Variants in ABTB3 observed in about 807,000 individuals in gnomAD.
The protein encoded by ABTB3 is ankyrin repeat and BTB domain containing 3.
the ABTB3 span, among the ~76,000 whole-genome samples, chr12:107,560,053 T>C: frequency 3.9e-5 from 6 of 152,170 alleles, no homozygotes; most frequent in African/African-American, 1.4e-4. Flanking sequence ...ATATATAATT[T>C]TGTGTCTTAT....
chr12:107,448,530 A>G, the ABTB3 span, among the ~76,000 whole-genome samples: 1 of 152,274 alleles, frequency 6.6e-6, no homozygotes, highest in Non-Finnish European at 1.5e-5. Context: ...AACTTAAAGT[A>G]AAACTCTAAA....
chr12:107,440,825 AAAGAT>A, the ABTB3 span, among the ~76,000 whole-genome samples: 2 of 152,232 alleles, frequency 1.3e-5, no homozygotes, highest in Non-Finnish European at 2.9e-5. Context: ...ATGTGACAAT[AAAGAT>A]AACAGCTGCA....
chr12:107,626,357 T>TC, the ABTB3 span, among the ~76,000 whole-genome samples: 1 of 148,322 alleles, frequency 6.7e-6, no homozygotes, highest in Non-Finnish European at 1.5e-5. Flanking sequence ...TTTTTTTTTT[T>TC]TTTTTTGAGA....
chr12:107,455,420 A>T, the ABTB3 span, among the ~76,000 whole-genome samples: 1 of 149,122 alleles, frequency 6.7e-6, no homozygotes, highest in Non-Finnish European at 1.5e-5. Flanking sequence ...ATCTTACAAG[A>T]TCTGGTTGTG....
the ABTB3 span, among the ~76,000 whole-genome samples, chr12:107,593,901 T>G: frequency 1.3e-5 from 2 of 152,118 alleles, no homozygotes; most frequent in East Asian, 3.9e-4. Flanking sequence ...ACACGTCACT[T>G]CCCCTCACTT....
the ABTB3 span, among the ~76,000 whole-genome samples, chr12:107,564,047 G>T: frequency 6.6e-6 from 1 of 151,494 alleles, no homozygotes; most frequent in African/African-American, 2.4e-5. Flanking sequence ...TAATGCAATG[G>T]TCTGATCTTA....
chr12:107,485,200 T>G, the ABTB3 span, among the ~76,000 whole-genome samples: 1 of 152,180 alleles, frequency 6.6e-6, no homozygotes, highest in African/African-American at 2.4e-5. Flanking sequence ...TCAACCCCTA[T>G]GATTCCAAAT....
chr12:107,500,580 A>AC, the ABTB3 span, among the ~76,000 whole-genome samples: 2 of 151,432 alleles, frequency 1.3e-5, no homozygotes, highest in Non-Finnish European at 2.9e-5. Flanking sequence ...TGAGCCGGTT[A>AC]CCCCCCACTC....
the ABTB3 span, among the ~76,000 whole-genome samples, chr12:107,563,322 T>C: frequency 6.6e-5 from 10 of 152,206 alleles, no homozygotes; most frequent in African/African-American, 2.4e-4. Context: ...AATCATTCAT[T>C]CACTCAAAGA....
At chr12:107,480,230 G>T in the ABTB3 span, among the ~76,000 whole-genome samples, 2 of 152,102 alleles carry the variant, frequency 1.3e-5, no homozygotes, top group African/African-American at 2.4e-5. Context: ...GTATAGGTAG[G>T]TATGTGGAAG....
the ABTB3 span, among the ~76,000 whole-genome samples, chr12:107,388,859 G>A: frequency 6.6e-6 from 1 of 152,234 alleles, no homozygotes; most frequent in Non-Finnish European, 1.5e-5. Context: ...TAATGATGAT[G>A]ATGGTTATCA....
At chr12:107,520,625 T>A in the ABTB3 span, 1 of 1,614,030 alleles carries the variant, frequency 6.2e-7, no homozygotes, top group Admixed American at 1.7e-5. Context: ...GTAGGCAGCA[T>A]CGCCGAATTG....
chr12:107,520,575 G>A, the ABTB3 span: 35 of 1,614,224 alleles, frequency 2.2e-5, 1 homozygote, highest in South Asian at 2.4e-4. Context: ...TCAGCCAGTC[G>A]GAGCTGAGGA....
At chr12:107,497,359 G>T in the ABTB3 span, among the ~76,000 whole-genome samples, 1 of 147,850 alleles carries the variant, frequency 6.8e-6, no homozygotes, top group African/African-American at 2.5e-5. Flanking sequence ...CAACACCACT[G>T]TTATCATCAC....
chr12:107,346,272 A>C, the ABTB3 span, among the ~76,000 whole-genome samples: 1 of 152,058 alleles, frequency 6.6e-6, no homozygotes, highest in Non-Finnish European at 1.5e-5. Context: ...CTAGATTGGG[A>C]TGGGGGCTAA....
the ABTB3 span, among the ~76,000 whole-genome samples, chr12:107,388,191 C>T: frequency 1.4e-4 from 21 of 152,088 alleles, 1 homozygote; most frequent in South Asian, 8.3e-4. Context: ...AGGCTAGCCT[C>T]GAACTCCTGA....
the ABTB3 span, chr12:107,319,783 C>A: frequency 6.9e-7 from 1 of 1,455,934 alleles, no homozygotes; most frequent in East Asian, 2.9e-5. Flanking sequence ...CTGGTGCGGC[C>A]CCCGCGGCGG....
At chr12:107,629,465 A>G in the ABTB3 span, among the ~76,000 whole-genome samples, 1 of 152,162 alleles carries the variant, frequency 6.6e-6, no homozygotes, top group Non-Finnish European at 1.5e-5. Context: ...GTTCTTTTGT[A>G]TGACCACACA....
the ABTB3 span, among the ~76,000 whole-genome samples, chr12:107,346,188 T>G: frequency 6.6e-6 from 1 of 152,170 alleles, no homozygotes; most frequent in Non-Finnish European, 1.5e-5. Context: ...GGGATTCTTT[T>G]GGGGGCTGCT....
Sources: allele counts gnomAD v4.1 joint callset (sites outside exome capture counted in the v4.1 genomes callset), GRCh38; gene constraint gnomAD v4.1.1; transcripts MANE v1.5; gene names NCBI Gene and HGNC (gene_info 2026-07-23, HGNC 2026-07-21).